The following PEX1 variants were observed in gnomAD, a reference collection of about 807,000 sequenced individuals.
PEX1 encodes peroxisomal biogenesis factor 1.
In PEX1, 97 loss-of-function variants were observed where a neutral mutation model predicts 152.5. The observed-to-expected ratio is 0.64, with a 90% CI of 0.54 to 0.75. PEX1 has a LOEUF of 0.75. PEX1 is among the 30% of genes least tolerant of loss of function. The probability of loss-of-function intolerance (pLI) is 0.00; values close to 1 mark genes in which losing one functional copy is unlikely to be tolerated. For synonymous variants in PEX1, 485 were observed against 531.6 expected (o/e 0.91, Z 1.21); for missense variants, 1,357 against 1,516.3 (o/e 0.89, Z 1.74).
intron 9 of PEX1, 180 bp from the exon 10 acceptor site, chr7:92,507,306 C>T: frequency 1.8e-6 from 1 of 542,118 alleles, no homozygotes; most frequent in Non-Finnish European, 3.2e-6. Context: ...TGGTGTGAAC[C>T]CAGCTCCCTG....
At chr7:92,528,038 G>A (rs1793372208) in intron 1 of PEX1, among the ~76,000 whole-genome samples, 1 of 152,256 alleles carries the variant, frequency 6.6e-6, no homozygotes. Flanking sequence ...CTGGAATAAG[G>A]AATATTTATA....
intron 1 of PEX1, among the ~76,000 whole-genome samples, chr7:92,524,565 C>T (rs954970735): frequency 1.3e-5 from 2 of 152,178 alleles, no homozygotes; most frequent in African/African-American, 4.8e-5. Flanking sequence ...CCATAGCCAG[C>T]TTATGTTTCT....
intron 5 of PEX1, among the ~76,000 whole-genome samples, chr7:92,514,591 C>T (rs1201857886): frequency 6.6e-6 from 1 of 152,162 alleles, no homozygotes; most frequent in African/African-American, 2.4e-5. Context: ...TAATCACAGA[C>T]AATCTGCCTG....
At chr7:92,487,985 T>G (rs766085767) in intron 23 of PEX1, among the ~76,000 whole-genome samples, 9 of 152,180 alleles carry the variant, frequency 5.9e-5, no homozygotes, top group Non-Finnish European at 1.3e-4. Flanking sequence ...CAATTCCACC[T>G]CTATCCTAGT....
Position 92,503,195 on chromosome 7 carries a change from G to A in PEX1, c.2072C>T (p.Ala691Val), listed in dbSNP as rs150351763. 12 of 1,612,868 alleles carry A rather than the reference G, an allele frequency of 7.4e-6. No individual in the cohort carries two copies. Among genetic ancestry groups the A allele is most frequent in the Non-Finnish European group, 1.0e-5 (12 of 1,179,248 alleles). The change falls in exon 13 of 24, where the codon GCT becomes GTT. Residue 691 changes from alanine (A) to valine (V), a missense_variant and splice_region_variant. Physicochemically the swap from Ala to Val is moderately conservative, Grantham distance 64 (BLOSUM62 0). Coordinates refer to ENST00000248633, the MANE Select transcript of PEX1 (RefSeq NM_000466.3). The part of the protein sequence containing the change: ...DAVQSQRLAH[A>V]LNDMIKEFIS... ...AAACTCTTTTATCATATCATTCAAA[G>A]CTGGAATTAAGCAATATAGTGCAAA...
chr7:92,510,910 G>T, intron 8 of PEX1, 34 bp downstream of exon 8: 1 of 1,082,918 alleles, frequency 9.2e-7, no homozygotes, highest in Non-Finnish European at 1.4e-6. Flanking sequence ...GTAACAAATA[G>T]TATTTTATTA....
At chr7:92,502,340 T>A (rs1284067167) in intron 13 of PEX1, among the ~76,000 whole-genome samples, 4 of 152,160 alleles carry the variant, frequency 2.6e-5, no homozygotes, top group East Asian at 1.9e-4. Context: ...ACACTTTATG[T>A]GAGTTTGTTG....
At chr7:92,495,971 T>G (rs1195787424) in intron 17 of PEX1, among the ~76,000 whole-genome samples, 1 of 152,166 alleles carries the variant, frequency 6.6e-6, no homozygotes, top group African/African-American at 2.4e-5. Context: ...TTTTAATGGA[T>G]AGTATTTTCA....
At chr7:92,499,929 A>AT (rs1167049050) in intron 15 of PEX1, 91 bp from the exon 16 acceptor site, 35 of 988,662 alleles carry the variant, frequency 3.5e-5, no homozygotes, top group Non-Finnish European at 5.1e-5. Flanking sequence ...TAGAAAAAAA[A>AT]TTCAGATGGT....
chr7:92,504,649 T>C, intron 12 of PEX1, 83 bp downstream of exon 12: 2 of 1,320,392 alleles, frequency 1.5e-6, no homozygotes, highest in Non-Finnish European at 1.1e-6. Context: ...TATTATTCTC[T>C]GAAGAGAGTA....
chr7:92,506,669 G>C (rs760438558), intron 10 of PEX1: 4 of 494,110 alleles, frequency 8.1e-6, no homozygotes, highest in African/African-American at 1.9e-5. Flanking sequence ...ATTTATCACA[G>C]GTATGCAAGG....
chr7:92,490,632 C>CAAAA (rs35917694), intron 21 of PEX1, among the ~76,000 whole-genome samples: 25 of 79,624 alleles, frequency 3.1e-4, no homozygotes, highest in African/African-American at 9.9e-4. Context: ...GAGACTGTCT[C>CAAAA]AAAAAAAAAA....
At chr7:92,494,677 G>A (rs1791560934) in intron 17 of PEX1, 48 bp from the exon 18 acceptor site, 1 of 1,562,086 alleles carries the variant, frequency 6.4e-7, no homozygotes, top group South Asian at 1.1e-5. Context: ...CTTCATAGTT[G>A]GCAAAGTGAT....
chr7:92,525,454 C>G (rs1793223548), intron 1 of PEX1, among the ~76,000 whole-genome samples: 1 of 152,174 alleles, frequency 6.6e-6, no homozygotes, highest in African/African-American at 2.4e-5. Flanking sequence ...GAATCCTCTC[C>G]CCCTGCTGCA....
At position 92,507,185 on chromosome 7, in the gene PEX1, T is replaced by TAA. The variant is rs79002315; in HGVS notation, c.1671-61_1671-60dup. 6.7e-6 allele frequency: 10 copies of TAA among 1,492,612 alleles called. No homozygotes were observed. In the East Asian group the frequency reaches 1.2e-4, roughly 18 times the overall value. The allele number at this position is 1,492,612 out of a possible 1,614,324, so 92.5% of individuals were successfully genotyped here. A position where few individuals can be genotyped will look rare whatever the true frequency, so the allele number is the denominator to read the frequency against. On this transcript the variant is annotated intron_variant, in intron 9 of 23. Transcript: ENST00000248633. ...ACTGAAGCAGGATAAAATTTAGCTA[T>TAA]AAAAAAATGCTGAATTTTGCCTTCC...
chr7:92,506,435 A>G (rs1397931199), intron 10 of PEX1, 91 bp from the exon 11 acceptor site: 13 of 825,308 alleles, frequency 1.6e-5, no homozygotes, highest in Admixed American at 7.0e-5. Context: ...TTCAGCCTCA[A>G]TTTTATACAA....
At chr7:92,511,548 G>GA in intron 7 of PEX1, 32 bp downstream of exon 7, 22 of 1,561,488 alleles carry the variant, frequency 1.4e-5, no homozygotes, top group Non-Finnish European at 1.5e-5. Context: ...TATTTAAATA[G>GA]AAAAAAAAGT....
At chr7:92,507,245 C>CTTT (rs79143453) in intron 9 of PEX1, 119 bp from the exon 10 acceptor site, 1 of 692,940 alleles carries the variant, frequency 1.4e-6, no homozygotes. Context: ...AATTTTTTAT[C>CTTT]TTTTTTTTTT....
rs1793414351 is a variant in PEX1 at position 92,528,489 on chromosome 7, G to A, written c.-54C>T. On this transcript the variant is annotated 5_prime_UTR_variant, in exon 1 of 24. Transcript: ENST00000248633. The stretch of plus-strand genomic sequence containing the variant: ...CACCCTAGCGCCGCAAAGGACCCGG[G>A]ACCCGGCAGGCCGAGGACGTCGGAG... The A allele has an allele frequency of 1.3e-6, 2 of 1,509,270 alleles. No homozygotes were observed. Among genetic ancestry groups the A allele is most frequent in the Admixed American group, 2.1e-5 (1 of 48,734 alleles). The allele number at this position is 1,509,270 out of a possible 1,614,324, so 93.5% of individuals were successfully genotyped here.
Sources: gnomAD v4.1 joint callset for allele counts (sites outside exome capture counted in the v4.1 genomes callset) on GRCh38, gnomAD v4.1.1 for gene constraint, MANE v1.5 for transcripts, NCBI Gene and HGNC (gene_info 2026-07-23, HGNC 2026-07-21) for gene names.